DACH1: variants seen among roughly 807,000 people sequenced by gnomAD.
The protein encoded by DACH1 is dachshund homolog 1.
DACH1 carries 12 observed loss-of-function variants against 54.2 expected under a neutral mutation model. The observed-to-expected ratio is 0.22, with a 90% CI of 0.14 to 0.36. The LOEUF (loss-of-function observed/expected upper bound fraction) is 0.36, where lower values mean the gene tolerates loss of function less well. Among genes scored for constraint, DACH1 ranks in the 10% least tolerant of loss-of-function variants. DACH1 has a pLI of 1.00. For synonymous variants in DACH1, 386 were observed against 366.2 expected (o/e 1.05, Z -0.62); for missense variants, 805 against 929.8 (o/e 0.87, Z 1.75).
chr13:71,729,072 A>G (rs7327826), intron 1 of DACH1, among the ~76,000 whole-genome samples: 4,203 of 152,090 alleles, frequency 0.028, 156 homozygotes, highest in African/African-American at 0.082. Flanking sequence ...TCCCAAGTAA[A>G]AGAACACAAA....
chr13:71,620,333 G>T (rs749198418), intron 3 of DACH1, among the ~76,000 whole-genome samples: 1 of 151,878 alleles, frequency 6.6e-6, no homozygotes, highest in Non-Finnish European at 1.5e-5. Context: ...AAAACACATA[G>T]AACTGATTAA....
chr13:71,845,751 G>A (rs1049226928), intron 1 of DACH1, among the ~76,000 whole-genome samples: 5 of 152,188 alleles, frequency 3.3e-5, no homozygotes, highest in Non-Finnish European at 7.3e-5. Context: ...GTATCCTTAT[G>A]TATTACTTTC....
intron 1 of DACH1, among the ~76,000 whole-genome samples, chr13:71,829,077 C>CA (rs1274167440): frequency 1.3e-5 from 2 of 151,984 alleles, no homozygotes. Flanking sequence ...TTAACCTCTT[C>CA]AAAAACTTAA....
At position 71,865,911 on chromosome 13, in the gene DACH1, C is replaced by A; in HGVS notation, c.848+11G>T. 6.3e-7 allele frequency: 1 copy of A among 1,593,730 alleles called. No homozygotes were observed. The highest frequency in any genetic ancestry group is 8.6e-7 in the Non-Finnish European group (1 of 1,169,530). On this transcript the variant is annotated intron_variant, in intron 1 of 10. Transcript: ENST00000613252. ...GGGCGCGGGCGGCGGGGGCTATCCCCCCCGACTCACCTTGCGTTGGTGCAG... is the reference window on the plus strand; with the variant it reads ...GGGCGCGGGCGGCGGGGGCTATCCCACCCGACTCACCTTGCGTTGGTGCAG...
At chr13:71,657,578 A>AG (rs1879205147) in intron 2 of DACH1, among the ~76,000 whole-genome samples, 1 of 148,806 alleles carries the variant, frequency 6.7e-6, no homozygotes, top group Admixed American at 6.7e-5. Context: ...GTCTCAAATA[A>AG]AAAAAAAAAA....
chr13:71,511,349 T>C (rs927545310), intron 6 of DACH1, among the ~76,000 whole-genome samples: 6 of 151,802 alleles, frequency 4.0e-5, no homozygotes, highest in Non-Finnish European at 4.4e-5. Context: ...ACAAGTGAAA[T>C]AGAAAAATCC....
At chr13:71,789,040 C>A (rs1886724834) in intron 1 of DACH1, among the ~76,000 whole-genome samples, 1 of 152,048 alleles carries the variant, frequency 6.6e-6, no homozygotes, top group African/African-American at 2.4e-5. Flanking sequence ...AATTCCTTCT[C>A]CAAAAAAACC....
intron 6 of DACH1, among the ~76,000 whole-genome samples, chr13:71,501,035 T>A (rs1164129143): frequency 1.3e-5 from 2 of 151,950 alleles, no homozygotes; most frequent in Non-Finnish European, 2.9e-5. Flanking sequence ...AATCAAAGAG[T>A]CTCTAAAATC....
At chr13:71,865,635 C>A (rs1874689910) in intron 1 of DACH1, among the ~76,000 whole-genome samples, 2 of 152,144 alleles carry the variant, frequency 1.3e-5, no homozygotes, top group South Asian at 2.1e-4. Context: ...TCGTCCCCTC[C>A]GCCCCGAGGC....
intron 1 of DACH1, among the ~76,000 whole-genome samples, chr13:71,799,279 T>C (rs1887190817): frequency 6.6e-6 from 1 of 152,124 alleles, no homozygotes; most frequent in Admixed American, 6.6e-5. Context: ...GTATGTCTTA[T>C]TTTACGGCAT....
intron 1 of DACH1, among the ~76,000 whole-genome samples, chr13:71,797,625 T>G (rs303938): frequency 0.52 from 78,377 of 151,856 alleles, 21,631 homozygotes; most frequent in East Asian, 0.86. Context: ...AGAGGGGTAG[T>G]TGGTGCTGAG....
At chr13:71,555,713 A>G (rs1884203267) in intron 6 of DACH1, among the ~76,000 whole-genome samples, 1 of 152,138 alleles carries the variant, frequency 6.6e-6, no homozygotes, top group African/African-American at 2.4e-5. Flanking sequence ...GGTCAAAATA[A>G]ATATGATGGA....
chr13:71,628,704 A>G (rs1876847750), intron 3 of DACH1, among the ~76,000 whole-genome samples: 1 of 152,134 alleles, frequency 6.6e-6, no homozygotes, highest in Non-Finnish European at 1.5e-5. Context: ...TAGGCTACGT[A>G]CCAAAATAAT....
intron 4 of DACH1, among the ~76,000 whole-genome samples, chr13:71,567,380 C>T (rs1012002324): frequency 6.6e-6 from 1 of 151,558 alleles, no homozygotes; most frequent in African/African-American, 2.4e-5. Flanking sequence ...CACTACAAAC[C>T]CAAAAGTCCT....
intron 2 of DACH1, among the ~76,000 whole-genome samples, chr13:71,676,862 G>A (rs887766465): frequency 6.6e-6 from 1 of 151,976 alleles, no homozygotes; most frequent in African/African-American, 2.4e-5. Flanking sequence ...ACCTGAATAC[G>A]TATTAGTTAT....
chr13:71,865,910 C>T lies in DACH1; in HGVS notation c.848+12G>A. Reference sequence around the variant, plus strand: ...GGGGCGCGGGCGGCGGGGGCTATCCCCCCCGACTCACCTTGCGTTGGTGCA... The same window carrying T: ...GGGGCGCGGGCGGCGGGGGCTATCCTCCCCGACTCACCTTGCGTTGGTGCA... On this transcript the variant is annotated intron_variant, in intron 1 of 10. Transcript: ENST00000613252. 1.9e-6 allele frequency: 3 copies of T among 1,592,756 alleles called. No homozygotes were observed. Among genetic ancestry groups the T allele is most frequent in the Non-Finnish European group, 2.6e-6 (3 of 1,169,032 alleles).
At chr13:71,836,797 C>T (rs1462857234) in intron 1 of DACH1, among the ~76,000 whole-genome samples, 1 of 152,002 alleles carries the variant, frequency 6.6e-6, no homozygotes, top group Non-Finnish European at 1.5e-5. Flanking sequence ...AGCTCTCTCA[C>T]TCTGTCCTAT....
chr13:71,800,809 C>G (rs1199044284), intron 1 of DACH1, among the ~76,000 whole-genome samples: 1 of 151,860 alleles, frequency 6.6e-6, no homozygotes, highest in Non-Finnish European at 1.5e-5. Flanking sequence ...CCTCAGATAT[C>G]GCTCTTTGAT....
chr13:71,587,061 A>G (rs1010276115), intron 3 of DACH1, among the ~76,000 whole-genome samples: 3 of 152,134 alleles, frequency 2.0e-5, no homozygotes, highest in South Asian at 2.1e-4. Flanking sequence ...AAAAGCCCCA[A>G]TAGCAAATGT....
Sources: gnomAD v4.1 joint callset for allele counts (sites outside exome capture counted in the v4.1 genomes callset) on GRCh38, gnomAD v4.1.1 for gene constraint, MANE v1.5 for transcripts, NCBI Gene and HGNC (gene_info 2026-07-23, HGNC 2026-07-21) for gene names.